Variants in YIF1B observed in about 807,000 individuals in gnomAD.
The protein encoded by YIF1B is protein YIF1B.
Under a neutral mutation model 34.6 loss-of-function variants are expected in YIF1B, and 24 were observed. The ratio of observed to expected loss-of-function variants is 0.69; its 90% CI spans 0.50 to 0.98. The LOEUF is 0.98. Ranked by LOEUF, YIF1B falls within the 50% of genes least tolerant of loss-of-function variation. The probability of loss-of-function intolerance (pLI) is 0.00; values close to 1 mark genes in which losing one functional copy is unlikely to be tolerated. For synonymous variants in YIF1B, 186 were observed against 184.8 expected (o/e 1.01, Z -0.05); for missense variants, 368 against 429.4 (o/e 0.86, Z 1.26).
intron 5 of YIF1B, among the ~76,000 whole-genome samples, chr19:38,308,267 G>A (rs1381793657): frequency 1.3e-5 from 2 of 152,156 alleles, no homozygotes; most frequent in Non-Finnish European, 2.9e-5. Flanking sequence ...GTAGTGGAGG[G>A]GAACACGCTC....
At position 38,315,846 on chromosome 19, in the gene YIF1B, C is replaced by T. The variant is rs1200725077; in HGVS notation, c.58+14G>A. On this transcript the variant is annotated intron_variant, in intron 1 of 7. Transcript: ENST00000339413. ...ACGCCCCCGCCCGCCCGATCTCCTCCGCCGGCCACGTACGCCACTTACGCA... is the reference window on the plus strand; with the variant it reads ...ACGCCCCCGCCCGCCCGATCTCCTCTGCCGGCCACGTACGCCACTTACGCA... The T allele has an allele frequency of 6.6e-7, 1 of 1,504,978 alleles. No individual in the cohort carries two copies. The highest frequency in any genetic ancestry group is 8.8e-7 in the Non-Finnish European group (1 of 1,134,674). The allele number at this position is 1,504,978 out of a possible 1,614,324, so 93.2% of individuals were successfully genotyped here. A position where few individuals can be genotyped will look rare whatever the true frequency, so the allele number is the denominator to read the frequency against.
chr19:38,314,391 C>T (rs1315810842), intron 1 of YIF1B, among the ~76,000 whole-genome samples: 4 of 151,982 alleles, frequency 2.6e-5, no homozygotes, highest in Non-Finnish European at 5.9e-5. Context: ...GATGGGGTCT[C>T]ACCATGTTGG....
chr19:38,307,119 C>G (rs1969084450), intron 7 of YIF1B: 1 of 500,010 alleles, frequency 2.0e-6, no homozygotes, highest in African/African-American at 2.0e-5. Context: ...GAATCTCCTT[C>G]CAGGGAAATT....
intron 1 of YIF1B, 44 bp downstream of exon 1, chr19:38,315,816 C>T (rs1568361534): frequency 6.6e-7 from 1 of 1,515,422 alleles, no homozygotes; most frequent in South Asian, 1.2e-5. Context: ...CGCGGCCGCC[C>T]CGCCACGCCC....
chr19:38,305,614 C>A, intron 7 of YIF1B, 107 bp from the exon 8 acceptor site: 1 of 1,419,920 alleles, frequency 7.0e-7, no homozygotes, highest in South Asian at 1.5e-5. Flanking sequence ...CCCCAGGCAG[C>A]TGGGGACAAG....
chr19:38,315,888 A>G lies in YIF1B; in HGVS notation c.30T>C (p.Ala10=). 1 of 1,479,300 alleles carries G rather than the reference A, an allele frequency of 6.8e-7. No individual in the cohort carries two copies. Among genetic ancestry groups the G allele is most frequent in the Non-Finnish European group, 8.9e-7 (1 of 1,124,292 alleles). 91.6% of individuals were successfully genotyped at this position (1,479,300 alleles called of 1,614,324 possible). A position where few individuals can be genotyped will look rare whatever the true frequency, so the allele number is the denominator to read the frequency against. The change falls in exon 1 of 8, where the codon GCT becomes GCC. Residue 10 remains alanine (A), a synonymous_variant. Coordinates refer to ENST00000339413, the MANE Select transcript of YIF1B (RefSeq NM_001039672.3). MHPAGLAAA[A]AGTPRLRKWP... Reference sequence around the variant, plus strand: ...ACTTACGCAGCCGGGGCGTCCCCGCAGCCGCCGCCGCCAAGCCTGCCGGGT... The same window carrying G: ...ACTTACGCAGCCGGGGCGTCCCCGCGGCCGCCGCCGCCAAGCCTGCCGGGT...
rs759548568 is a variant in YIF1B, at chr19:38,308,972, G to A, written c.481+7C>T. Reference sequence around the variant, plus strand: ...GAGGAGGGTGCAGGGTAGGGGGAGGGTGAAACCTGGAATGTAGAGGTCCGG... The same window carrying A: ...GAGGAGGGTGCAGGGTAGGGGGAGGATGAAACCTGGAATGTAGAGGTCCGG... On this transcript the variant is annotated splice_region_variant and intron_variant, in intron 4 of 7. Coordinates refer to ENST00000339413, the MANE Select transcript of YIF1B (RefSeq NM_001039672.3). 2 of 1,605,172 alleles carry A rather than the reference G, an allele frequency of 1.2e-6. No individual in the cohort carries two copies. Among genetic ancestry groups the A allele is most frequent in the African/African-American group, 1.3e-5 (1 of 74,658 alleles).
chr19:38,320,394 C>T (rs1969637427), upstream of YIF1B: 5 of 1,044,254 alleles, frequency 4.8e-6, no homozygotes, highest in East Asian at 2.8e-5. Context: ...CTTCGGATCC[C>T]CCGAAAAGAC....
At chr19:38,318,153 AT>A (rs1318396359), upstream of YIF1B, among the ~76,000 whole-genome samples, 1 of 127,330 alleles carries the variant, frequency 7.9e-6, no homozygotes, top group African/African-American at 2.8e-5. Context: ...AGATTGTGCC[AT>A]TGCACTCCAG....
chr19:38,316,342 C>G (rs1969552510), upstream of YIF1B, among the ~76,000 whole-genome samples: 2 of 148,584 alleles, frequency 1.3e-5, no homozygotes, highest in South Asian at 4.4e-4. Flanking sequence ...TCGCCCCGCC[C>G]CATCCCTACA....
rs1007177708 is a variant in YIF1B at position 38,304,148 on chromosome 19, G to T, written c.*1204C>A. ...GGGCTGAGGACCAGGACAGAGGTTGGGTGGGGCGTCTCAGCATTCCTCCAA... is the reference window on the plus strand; with the variant it reads ...GGGCTGAGGACCAGGACAGAGGTTGTGTGGGGCGTCTCAGCATTCCTCCAA... On this transcript the variant is annotated 3_prime_UTR_variant, in exon 8 of 8. Transcript: ENST00000339413. 1.4e-5 allele frequency: 18 copies of T among 1,304,052 alleles called. No individual in the cohort carries two copies. Among genetic ancestry groups the T allele is most frequent in the African/African-American group, 5.8e-5 (4 of 69,098 alleles). 80.8% of individuals were successfully genotyped at this position (1,304,052 alleles called of 1,614,324 possible).
At chr19:38,315,695 C>T (rs1969517953) in intron 1 of YIF1B, 165 bp downstream of exon 1, 3 of 1,605,580 alleles carry the variant, frequency 1.9e-6, no homozygotes, top group South Asian at 1.1e-5. Context: ...CCTAAAGAAT[C>T]GCCCCCCAAG....
Position 38,304,358 on chromosome 19 carries a change from C to T in YIF1B, c.*994G>A. ...CCCAGAAGCTGCCTGCACCAACCAC[C>T]CAACTTCTCTCCACAGCCCTGGAGC... On this transcript the variant is annotated 3_prime_UTR_variant, in exon 8 of 8. Transcript: ENST00000339413. 6.2e-7 allele frequency: 1 copy of T among 1,604,068 alleles called. No individual in the cohort carries two copies. Among genetic ancestry groups the T allele is most frequent in the Non-Finnish European group, 8.5e-7 (1 of 1,176,488 alleles).
chr19:38,305,079 C>G lies in YIF1B; in HGVS notation c.*273G>C. The G allele has an allele frequency of 6.6e-7, 1 of 1,504,952 alleles. No homozygotes were observed. The highest frequency in any genetic ancestry group is 8.9e-7 in the Non-Finnish European group (1 of 1,122,666). The allele number at this position is 1,504,952 out of a possible 1,614,324, so 93.2% of individuals were successfully genotyped here. On this transcript the variant is annotated 3_prime_UTR_variant, in exon 8 of 8. Transcript: ENST00000339413. The stretch of plus-strand genomic sequence containing the variant: ...GCCCCCTGCCCAGCGCTGGGCCCGC[C>G]CATTCGTGCGCGAGGCCAAGGAGAG...
chr19:38,307,384 G>A (rs188918712), intron 7 of YIF1B, 44 bp downstream of exon 7: 190 of 1,602,556 alleles, frequency 1.2e-4, no homozygotes, highest in Admixed American at 3.5e-4. Flanking sequence ...GGATGCCTCC[G>A]GGGCACCTGT....
rs1968945008 is a variant in YIF1B at position 38,305,121 on chromosome 19, C to G, written c.*231G>C. The stretch of plus-strand genomic sequence containing the variant: ...CAAGGAGAGGCTGTCCACGCCATGC[C>G]CATCAGGGTTTATTGTTTCTGTAAC... On this transcript the variant is annotated 3_prime_UTR_variant, in exon 8 of 8. Coordinates refer to ENST00000339413, the MANE Select transcript of YIF1B (RefSeq NM_001039672.3). 6 of 1,439,120 alleles carry G rather than the reference C, an allele frequency of 4.2e-6. No homozygotes were observed. The highest frequency in any genetic ancestry group is 1.4e-5 in the African/African-American group (1 of 69,676). 89.1% of individuals were successfully genotyped at this position (1,439,120 alleles called of 1,614,324 possible).
chr19:38,305,377 C>T lies in YIF1B; in HGVS notation c.920G>A (p.Trp307Ter). The change falls in exon 8 of 8, where the codon TGG (tryptophan) becomes TAG (stop). Residue 307 changes from tryptophan (W) to a stop codon, truncating the protein, a stop_gained. Transcript: ENST00000339413. LOFTEE classifies it high-confidence loss of function. Reference protein sequence around the residue: ...VAAAQPMLMYWLTFHLVR With the variant: ...VAAAQPMLMY Reference sequence around the variant, plus strand: ...TCACCGCACCAGGTGGAAGGTGAGCCAGTACATGAGCATAGGCTGCGCCGC... The same window carrying T: ...TCACCGCACCAGGTGGAAGGTGAGCTAGTACATGAGCATAGGCTGCGCCGC... The T allele has an allele frequency of 6.2e-7, 1 of 1,604,706 alleles. No individual in the cohort carries two copies. Among genetic ancestry groups the T allele is most frequent in the Non-Finnish European group, 8.5e-7 (1 of 1,173,804 alleles).
At chr19:38,313,526 T>C (rs949126154) in intron 1 of YIF1B, among the ~76,000 whole-genome samples, 3 of 152,218 alleles carry the variant, frequency 2.0e-5, no homozygotes, top group Admixed American at 2.0e-4. Flanking sequence ...CCCAAAGTGC[T>C]GGGATTACAG....
chr19:38,309,910 A>G, intron 1 of YIF1B: 1 of 1,209,200 alleles, frequency 8.3e-7, no homozygotes, highest in East Asian at 3.0e-5. Flanking sequence ...CTATCCATCT[A>G]CCCACCCTCC....
Sources: gnomAD v4.1 joint callset for allele counts (sites outside exome capture counted in the v4.1 genomes callset) on GRCh38, gnomAD v4.1.1 for gene constraint, MANE v1.5 for transcripts, NCBI Gene and HGNC (gene_info 2026-07-23, HGNC 2026-07-21) for gene names.